IGSF3: variants seen among roughly 807,000 people sequenced by gnomAD.
IGSF3 encodes glu-Trp-Ile EWI motif-containing protein 3.
IGSF3 carries 23 observed loss-of-function variants against 114.4 expected under a neutral mutation model. That is an observed-to-expected ratio of 0.20 (90% CI 0.14 to 0.28). The LOEUF (loss-of-function observed/expected upper bound fraction) is 0.28, where lower values mean the gene tolerates loss of function less well. Among genes scored for constraint, IGSF3 ranks in the 10% least tolerant of loss-of-function variants. The probability of loss-of-function intolerance (pLI) is 1.00; values close to 1 mark genes in which losing one functional copy is unlikely to be tolerated. For synonymous variants in IGSF3, 571 were observed against 645.2 expected (o/e 0.88, Z 1.74); for missense variants, 1,172 against 1,591.5 (o/e 0.74, Z 4.48).
chr1:116,630,991 C>T (rs1394137614), intron 2 of IGSF3, among the ~76,000 whole-genome samples: 2 of 152,112 alleles, frequency 1.3e-5, no homozygotes, highest in East Asian at 3.9e-4. Flanking sequence ...CAGACAGGGG[C>T]CAGGCCAGGG....
intron 2 of IGSF3, among the ~76,000 whole-genome samples, chr1:116,645,881 C>A (rs1374188169): frequency 6.6e-6 from 1 of 152,342 alleles, no homozygotes; most frequent in South Asian, 2.1e-4. Flanking sequence ...CGGCTGAGCA[C>A]AGCCAGACAG....
intron 2 of IGSF3, among the ~76,000 whole-genome samples, chr1:116,620,707 C>T (rs1661388954): frequency 6.6e-6 from 1 of 152,224 alleles, no homozygotes; most frequent in Admixed American, 6.5e-5. Context: ...CCACAGTCAA[C>T]TCAGTCAAGC....
In IGSF3 at chr1:116,596,820, A is replaced by G. The variant is rs1313093586; in HGVS notation, c.2029+3121T>C. Among the ~76,000 whole-genome samples the G allele has an allele frequency of 6.6e-6, 1 of 152,228 alleles. No homozygotes were observed. The highest frequency in any genetic ancestry group is 2.4e-5 in the African/African-American group (1 of 41,456). On this transcript the variant is annotated intron_variant, in intron 7 of 10. Coordinates refer to ENST00000369486, the MANE Select transcript of IGSF3 (RefSeq NM_001007237.3). The surrounding 1 kb of genome is among the most constrained non-coding windows in gnomAD (Gnocchi z 4.1). Reference sequence around the variant, plus strand: ...ATGTAACTTCTGTGTCAGTGTCCTCATCTGTGAAGTTGGGTAAAACGGTCC... The same window carrying G: ...ATGTAACTTCTGTGTCAGTGTCCTCGTCTGTGAAGTTGGGTAAAACGGTCC...
In IGSF3 at chr1:116,655,438, T is replaced by G. The variant is rs1648806650; in HGVS notation, c.43+10846A>C. ...AAAGGTGAGCCATCCAAGAAACTGCTCTTGCTCCCAGAGGTTTTAAAGAAA... is the reference window on the plus strand; with the variant it reads ...AAAGGTGAGCCATCCAAGAAACTGCGCTTGCTCCCAGAGGTTTTAAAGAAA... On this transcript the variant is annotated intron_variant, in intron 2 of 10. Transcript: ENST00000369486. The surrounding 1 kb of genome is among the most constrained non-coding windows in gnomAD (Gnocchi z 4.3). Among the ~76,000 whole-genome samples, 1 of 152,220 alleles carries G rather than the reference T, an allele frequency of 6.6e-6. No homozygotes were observed. Among genetic ancestry groups the G allele is most frequent in the African/African-American group, 2.4e-5 (1 of 41,456 alleles).
chr1:116,653,363 A>G (rs896435545), intron 2 of IGSF3, among the ~76,000 whole-genome samples: 10 of 152,226 alleles, frequency 6.6e-5, no homozygotes, highest in Admixed American at 6.5e-4. Context: ...GGAGGCACAT[A>G]TAGTTCTGAT....
rs1648538596 is a variant in IGSF3, at chr1:116,649,489, C to A, written c.43+16795G>T. On this transcript the variant is annotated intron_variant, in intron 2 of 10. Transcript: ENST00000369486. This position sits in a 1 kb window ranked among gnomAD's most constrained non-coding sequence, Gnocchi z 4.5. Reference sequence around the variant, plus strand: ...CAAAGCCATAGTGGCAAAAGGCAAACAGCATCTTCCTAAAATCTTCCTCTT... The same window carrying A: ...CAAAGCCATAGTGGCAAAAGGCAAAAAGCATCTTCCTAAAATCTTCCTCTT... 6.6e-6 allele frequency among the ~76,000 whole-genome samples: 1 copy of A among 152,232 alleles called. No homozygotes were observed. The highest frequency in any genetic ancestry group is 2.4e-5 in the African/African-American group (1 of 41,464).
Position 116,651,690 on chromosome 1 carries a change from A to G in IGSF3, c.43+14594T>C, listed in dbSNP as rs1206236356. 1.3e-5 allele frequency among the ~76,000 whole-genome samples: 2 copies of G among 152,198 alleles called. No individual in the cohort carries two copies. The highest frequency in any genetic ancestry group is 2.9e-5 in the Non-Finnish European group (2 of 68,038). On this transcript the variant is annotated intron_variant, in intron 2 of 10. Transcript: ENST00000369486. The surrounding 1 kb of genome is among the most constrained non-coding windows in gnomAD (Gnocchi z 4.4). Reference sequence around the variant, plus strand: ...GCTTCTGACCTATCAAAATGGCAATAAAGCTCAACTTAATATTTACTCTAT... The same window carrying G: ...GCTTCTGACCTATCAAAATGGCAATGAAGCTCAACTTAATATTTACTCTAT...
rs1648893364 is a variant in IGSF3, at chr1:116,657,176, A to G, written c.43+9108T>C. ...TGAAAGTCTTTTTAAAAAGGAATAG[A>G]TTGTATCTGGCTGGGATAGGGTAGG... is the stretch of plus-strand genomic sequence containing the variant. On this transcript the variant is annotated intron_variant, in intron 2 of 10. Coordinates refer to ENST00000369486, the MANE Select transcript of IGSF3 (RefSeq NM_001007237.3). The surrounding 1 kb of genome is among the most constrained non-coding windows in gnomAD (Gnocchi z 4.2). Among the ~76,000 whole-genome samples, 1 of 152,312 alleles carries G rather than the reference A, an allele frequency of 6.6e-6. No individual in the cohort carries two copies. Among genetic ancestry groups the G allele is most frequent in the Non-Finnish European group, 1.5e-5 (1 of 68,030 alleles).
At position 116,579,622 on chromosome 1, in the gene IGSF3, C is replaced by A; in HGVS notation, c.3104G>T (p.Ser1035Ile). Residue 1035 changes from serine to isoleucine, a missense_variant, in exon 10 of 11, where the codon AGC becomes ATC. This residue lies in a region of IGSF3 where 423 missense variants were observed against 509.8 expected (regional missense o/e 0.83). Coordinates refer to ENST00000369486, the MANE Select transcript of IGSF3 (RefSeq NM_001007237.3). This position sits in a 1 kb window ranked among gnomAD's most constrained non-coding sequence, Gnocchi z 6.4. The part of the protein sequence containing the change: ...DDPTERTALL[S>I]VGPDAVFGPE... ...GCCAAAGACAGCATCTGGGCCCACG[C>A]TCAGCAGGGCCGTCCGCTCTGTTGG... 3 of 1,614,064 alleles carry A rather than the reference C, an allele frequency of 1.9e-6. No homozygotes were observed. Among genetic ancestry groups the A allele is most frequent in the African/African-American group, 1.3e-5 (1 of 75,036 alleles).
chr1:116,578,498 T>C (rs1417584707), intron 10 of IGSF3, among the ~76,000 whole-genome samples: 5 of 152,194 alleles, frequency 3.3e-5, no homozygotes, highest in Non-Finnish European at 5.9e-5. Context: ...TAGTCCACCA[T>C]TGTTGACCTG....
In IGSF3 at chr1:116,588,234, G is replaced by C. The variant is rs1382869634; in HGVS notation, c.2440+460C>G. Among the ~76,000 whole-genome samples, 1 of 152,198 alleles carries C rather than the reference G, an allele frequency of 6.6e-6. No homozygotes were observed. The highest frequency in any genetic ancestry group is 2.4e-5 in the African/African-American group (1 of 41,428). Reference sequence around the variant, plus strand: ...GGAGGAATGATTCAGTTTGGAGATAGGAAAGGCTTGTCTGGGCGGGCTGGG... The same window carrying C: ...GGAGGAATGATTCAGTTTGGAGATACGAAAGGCTTGTCTGGGCGGGCTGGG... On this transcript the variant is annotated intron_variant, in intron 8 of 10. Transcript: ENST00000369486. This position sits in a 1 kb window ranked among gnomAD's most constrained non-coding sequence, Gnocchi z 4.9.
intron 4 of IGSF3, among the ~76,000 whole-genome samples, chr1:116,611,834 T>C (rs550039175): frequency 1.8e-4 from 27 of 152,106 alleles, no homozygotes; most frequent in African/African-American, 6.3e-4. Context: ...TACTTGTCCA[T>C]TGGCTCTCAG....
Position 116,600,234 on chromosome 1 carries a change from G to C in IGSF3, c.1736C>G (p.Ser579Trp). 1 of 1,614,208 alleles carries C rather than the reference G, an allele frequency of 6.2e-7. No individual in the cohort carries two copies. Among genetic ancestry groups the C allele is most frequent in the Non-Finnish European group, 8.5e-7 (1 of 1,180,040 alleles). ...CACCGGCTGGAACCGCCATGTCACC[G>C]ACACGGGGACCCAGGCAGGGTAGTG... The part of the protein sequence containing the change: ...KPHYPAWVPV[S>W]VTWRFQPVGT... Residue 579 changes from serine (S) to tryptophan (W), a missense_variant, in exon 7 of 11, where the codon TCG becomes TGG. Transcript: ENST00000369486. The surrounding 1 kb of genome is among the most constrained non-coding windows in gnomAD (Gnocchi z 5.5).
At position 116,584,138 on chromosome 1, in the gene IGSF3, G is replaced by A. The variant is rs1283772320; in HGVS notation, c.2848+507C>T. Among the ~76,000 whole-genome samples the A allele has an allele frequency of 2.0e-5, 3 of 151,930 alleles. No individual in the cohort carries two copies. Among genetic ancestry groups the A allele is most frequent in the East Asian group, 1.9e-4 (1 of 5,180 alleles). ...TGGGAGGCGGAGGTTGCAGTGAGCC[G>A]AGATCGCACCACTGCACTCTGCACT... On this transcript the variant is annotated intron_variant, in intron 9 of 10. Transcript: ENST00000369486. The surrounding 1 kb of genome is among the most constrained non-coding windows in gnomAD (Gnocchi z 5.8).
rs545150403 is a variant in IGSF3 at position 116,634,474 on chromosome 1, T to G, written c.44-18017A>C. ...TGCCCAGAACATCACCTGGCTTTCC[T>G]CCTCTCTCCCTGCCCACATCTCCTC... On this transcript the variant is annotated intron_variant, in intron 2 of 10. Coordinates refer to ENST00000369486, the MANE Select transcript of IGSF3 (RefSeq NM_001007237.3). This position sits in a 1 kb window ranked among gnomAD's most constrained non-coding sequence, Gnocchi z 4.2. Among the ~76,000 whole-genome samples the G allele has an allele frequency of 6.6e-6, 1 of 151,334 alleles. No homozygotes were observed. Among genetic ancestry groups the G allele is most frequent in the South Asian group, 2.1e-4 (1 of 4,724 alleles).
At chr1:116,601,662 ATAGG>A (rs1253757860) in intron 6 of IGSF3, among the ~76,000 whole-genome samples, 1 of 152,210 alleles carries the variant, frequency 6.6e-6, no homozygotes, top group Non-Finnish European at 1.5e-5. Context: ...AAGTTGGCAA[ATAGG>A]TAGGTACAAT....
In IGSF3 at chr1:116,647,689, G is replaced by T. The variant is rs1648456037; in HGVS notation, c.43+18595C>A. On this transcript the variant is annotated intron_variant, in intron 2 of 10. Coordinates refer to ENST00000369486, the MANE Select transcript of IGSF3 (RefSeq NM_001007237.3). This position sits in a 1 kb window ranked among gnomAD's most constrained non-coding sequence, Gnocchi z 4.6. ...ATTGAATGTTGTCTGGGCGGACAGA[G>T]GCAAGGATGACCGGAACAAGACAAA... Among the ~76,000 whole-genome samples the T allele has an allele frequency of 6.6e-6, 1 of 152,228 alleles. No individual in the cohort carries two copies. Among genetic ancestry groups the T allele is most frequent in the Admixed American group, 6.5e-5 (1 of 15,284 alleles).
In IGSF3 at chr1:116,589,893, G is replaced by T. The variant is rs1398940871; in HGVS notation, c.2030-789C>A. On this transcript the variant is annotated intron_variant, in intron 7 of 10. Transcript: ENST00000369486. The surrounding 1 kb of genome is among the most constrained non-coding windows in gnomAD (Gnocchi z 5.7). ...AGTAAGCCGGAGTCCCAGCCCTCATGGGGTGGACTGCCTAGCGGACATTCT... is the reference window on the plus strand; with the variant it reads ...AGTAAGCCGGAGTCCCAGCCCTCATTGGGTGGACTGCCTAGCGGACATTCT... Among the ~76,000 whole-genome samples, 1 of 152,174 alleles carries T rather than the reference G, an allele frequency of 6.6e-6. No homozygotes were observed.
chr1:116,603,706 A>G lies in IGSF3; in HGVS notation c.1542T>C (p.Thr514=), dbSNP rs534390029. ...EDEGQYECHV[T]EWVRAVDGEW... Reference sequence around the variant, plus strand: ...CGCCATCCACTGCCCGCACCCATTCAGTCACATGGCATTCATACTGGCCCT... The same window carrying G: ...CGCCATCCACTGCCCGCACCCATTCGGTCACATGGCATTCATACTGGCCCT... The change falls in exon 6 of 11, where the codon ACT becomes ACC. Residue 514 remains threonine (T), a synonymous_variant. Coordinates refer to ENST00000369486, the MANE Select transcript of IGSF3 (RefSeq NM_001007237.3). This position sits in a 1 kb window ranked among gnomAD's most constrained non-coding sequence, Gnocchi z 7.1. 1.2e-6 allele frequency: 2 copies of G among 1,613,896 alleles called. No individual in the cohort carries two copies. Among genetic ancestry groups the G allele is most frequent in the East Asian group, 2.2e-5 (1 of 44,878 alleles).
Sources: allele counts gnomAD v4.1 joint callset (sites outside exome capture counted in the v4.1 genomes callset), GRCh38; gene constraint gnomAD v4.1.1; regional missense constraint gnomAD v4.1.1; non-coding constraint Gnocchi (gnomAD v3.1); transcripts MANE v1.5; gene names NCBI Gene and HGNC (gene_info 2026-07-23, HGNC 2026-07-21).